NHS: variants seen among roughly 807,000 people sequenced by gnomAD.
NHS encodes the protein NHS actin remodeling regulator.
A neutral mutation model predicts 72.5 loss-of-function variants in NHS; 5 were observed. The observed-to-expected ratio is 0.07, with a 90% CI of 0.04 to 0.14. The LOEUF (loss-of-function observed/expected upper bound fraction) is 0.14, where lower values mean the gene tolerates loss of function less well. Ranked by LOEUF, NHS falls within the 10% of genes least tolerant of loss-of-function variation. NHS has a pLI of 1.00. For missense variants in NHS, 1,072 were observed against 1,355.7 expected (o/e 0.79, Z 3.29); for synonymous variants, 464 against 547.7 (o/e 0.85, Z 2.13).
chrX:17,384,129 C>G (rs1217237072), intron 1 of NHS, among the ~76,000 whole-genome samples: 1 of 112,381 alleles, frequency 8.9e-6, no homozygotes, highest in Non-Finnish European at 1.9e-5. Flanking sequence ...TGTGGCAACA[C>G]TGATCATGGG....
chrX:17,493,203 T>C (rs908731029), intron 1 of NHS, among the ~76,000 whole-genome samples: 1 of 112,291 alleles, frequency 8.9e-6, no homozygotes, highest in Non-Finnish European at 1.9e-5. Context: ...TCTTAGACAC[T>C]GGATCGTTTC....
rs765893658 is a variant in NHS, at chrX:17,651,955, T to C, written c.566-35787T>C. On this transcript the variant is annotated intron_variant, in intron 1 of 8. Transcript: ENST00000676302. ...GTTATTTCCTGAGCCACACTGTAGA[T>C]CAGAGGTTGGCAAATTATGGCCCAT... Among the ~76,000 whole-genome samples, 4 of 112,790 alleles carry C rather than the reference T, an allele frequency of 3.5e-5. No homozygotes were observed. In the East Asian group the frequency reaches 1.1e-3, roughly 31 times the overall value.
chrX:17,520,721 T>G (rs1478869226), intron 1 of NHS, among the ~76,000 whole-genome samples: 1 of 112,140 alleles, frequency 8.9e-6, no homozygotes, highest in Non-Finnish European at 1.9e-5. Flanking sequence ...GGTGAAATTG[T>G]GCAAGCATGA....
intron 1 of NHS, among the ~76,000 whole-genome samples, chrX:17,550,068 G>T (rs367963221): frequency 8.9e-6 from 1 of 111,911 alleles, no homozygotes; most frequent in Admixed American, 9.4e-5. Flanking sequence ...AAATGAACAG[G>T]TAAGGTGTTG....
chrX:17,511,521 C>T (rs760784809), intron 1 of NHS, among the ~76,000 whole-genome samples: 7 of 111,505 alleles, frequency 6.3e-5, no homozygotes, highest in Admixed American at 1.9e-4. Flanking sequence ...TAAAAAAAAG[C>T]TTCTTAGGCC....
chrX:17,538,393 A>G (rs1282969596), intron 1 of NHS, among the ~76,000 whole-genome samples: 3 of 111,364 alleles, frequency 2.7e-5, no homozygotes, highest in Non-Finnish European at 5.7e-5. Context: ...CAGGGACGAG[A>G]AGGAAGCTGA....
intron 3 of NHS, among the ~76,000 whole-genome samples, chrX:17,712,262 T>TAC (rs2066335172): frequency 3.3e-5 from 2 of 61,514 alleles, no homozygotes; most frequent in East Asian, 1.0e-3. Context: ...TGTATATATA[T>TAC]ATATATATAT....
intron 4 of NHS, among the ~76,000 whole-genome samples, chrX:17,720,251 A>T (rs911048631): frequency 8.9e-6 from 1 of 111,857 alleles, no homozygotes; most frequent in East Asian, 2.8e-4. Context: ...GTGAGTTTAG[A>T]CAAGTGGCAT....
chrX:17,615,338 A>G (rs1358421739), intron 1 of NHS, among the ~76,000 whole-genome samples: 1 of 104,611 alleles, frequency 9.6e-6, no homozygotes, highest in Non-Finnish European at 1.9e-5. Context: ...CTGTAGCATC[A>G]GTCTTCTGGG....
chrX:17,381,439 C>T (rs2064377633), intron 1 of NHS, among the ~76,000 whole-genome samples: 1 of 111,705 alleles, frequency 9.0e-6, no homozygotes, highest in Non-Finnish European at 1.9e-5. Context: ...TCCTCCCCTC[C>T]CTTCAAGCCA....
intron 6 of NHS, 119 bp from the exon 7 acceptor site, chrX:17,725,228 G>T: frequency 8.0e-5 from 51 of 640,413 alleles, no homozygotes; most frequent in African/African-American, 1.1e-4. Context: ...TTTTTTTTCT[G>T]TTAAAGAAAA....
Position 17,394,184 on chromosome X carries a change from G to C in NHS, c.565+17862G>C, listed in dbSNP as rs1204557578. Among the ~76,000 whole-genome samples the C allele has an allele frequency of 3.6e-5, 4 of 111,582 alleles. No homozygotes were observed. The East Asian group carries it at 1.1e-3, about 32-fold the overall frequency. On this transcript the variant is annotated intron_variant, in intron 1 of 8. Transcript: ENST00000676302. The stretch of plus-strand genomic sequence containing the variant: ...AGGCTGCCTTGTGTTTTGATTGAAC[G>C]TTTAGTTCACTTTGGGCTTGAGGTG...
At chrX:17,714,927 C>G (rs1432256710) in intron 3 of NHS, among the ~76,000 whole-genome samples, 3 of 112,223 alleles carry the variant, frequency 2.7e-5, no homozygotes, top group Non-Finnish European at 5.6e-5. Context: ...TTATTGCATT[C>G]ATTATATAAA....
intron 1 of NHS, among the ~76,000 whole-genome samples, chrX:17,478,353 C>G (rs1042407473): frequency 8.9e-6 from 1 of 112,072 alleles, no homozygotes; most frequent in African/African-American, 3.2e-5. Context: ...CTAACGTGCT[C>G]AAGATGAATT....
chrX:17,712,160 C>T (rs1167476661), intron 3 of NHS, among the ~76,000 whole-genome samples: 12 of 100,708 alleles, frequency 1.2e-4, no homozygotes, highest in African/African-American at 4.3e-4. Context: ...CATCTTAGCC[C>T]CTCTAGTCCA....
At chrX:17,661,063 C>T (rs2065980239) in intron 1 of NHS, among the ~76,000 whole-genome samples, 1 of 111,492 alleles carries the variant, frequency 9.0e-6, no homozygotes, top group Non-Finnish European at 1.9e-5. Context: ...ACGGAAGCAT[C>T]AAGGCTGTAG....
intron 1 of NHS, among the ~76,000 whole-genome samples, chrX:17,396,884 T>C (rs975004431): frequency 8.9e-6 from 1 of 111,947 alleles, no homozygotes; most frequent in Non-Finnish European, 1.9e-5. Context: ...CCCAGCAATG[T>C]TGCATCATGT....
rs2066489043 is a variant in NHS, at chrX:17,731,881, G to T, written c.4373G>T (p.Arg1458Ile). 2 of 1,197,854 alleles carry T rather than the reference G, an allele frequency of 1.7e-6. No homozygotes were observed. The highest frequency in any genetic ancestry group is 4.5e-5 in the Admixed American group (2 of 44,346). ...IHRSKRKVLG[R>I]KDSGDMSVRS... is the part of the protein sequence containing the mutation. ...AGATCCAAGAGGAAAGTACTTGGAA[G>T]AAAAGATTCCGGGGACATGTCTGTT... Residue 1458 changes from arginine (R) to isoleucine (I), a missense_variant, in exon 9 of 9, where the codon AGA becomes ATA. By Grantham distance (97) the Arg-to-Ile change is moderately conservative. Transcript: ENST00000676302.
At chrX:17,570,147 T>C (rs1737176483) in intron 1 of NHS, among the ~76,000 whole-genome samples, 1 of 112,216 alleles carries the variant, frequency 8.9e-6, no homozygotes, top group Non-Finnish European at 1.9e-5. Context: ...GTCTTGGCTA[T>C]GTGGGCTCTT....
Sources: allele counts gnomAD v4.1 joint callset (sites outside exome capture counted in the v4.1 genomes callset), GRCh38; gene constraint gnomAD v4.1.1; transcripts MANE v1.5; gene names NCBI Gene and HGNC (gene_info 2026-07-23, HGNC 2026-07-21).